AKAP12: variants seen among roughly 807,000 people sequenced by gnomAD.
AKAP12 encodes A-kinase anchoring protein 12, also known as A-kinase anchor protein 12.
In AKAP12, 32 loss-of-function variants were observed where a neutral mutation model predicts 79.9. The ratio of observed to expected loss-of-function variants is 0.40; its 90% CI spans 0.30 to 0.54. The LOEUF (loss-of-function observed/expected upper bound fraction) is 0.54. AKAP12 is among the 20% of genes least tolerant of loss of function. The pLI is 0.48. For synonymous variants in AKAP12, 808 were observed against 857.0 expected (o/e 0.94, Z 1.00); for missense variants, 2,074 against 2,177.0 (o/e 0.95, Z 0.94).
intron 2 of AKAP12, among the ~76,000 whole-genome samples, chr6:151,275,527 C>A (rs1776275503): frequency 6.6e-6 from 1 of 152,162 alleles, no homozygotes; most frequent in South Asian, 2.1e-4. Context: ...CTCAGAAATT[C>A]CACGATAGCA....
At chr6:151,293,450 A>G (rs1321900874) in intron 2 of AKAP12, among the ~76,000 whole-genome samples, 2 of 152,332 alleles carry the variant, frequency 1.3e-5, no homozygotes, top group South Asian at 2.1e-4. Context: ...TTATTTTGCA[A>G]TTGGAATTTG....
intron 3 of AKAP12, chr6:151,320,071 C>T (rs1777338665): frequency 6.6e-6 from 1 of 152,136 alleles, no homozygotes. Context: ...TTCCGTGACA[C>T]TCATATTTGG....
In AKAP12 at chr6:151,348,003, C is replaced by T. The variant is rs6906069; in HGVS notation, c.320-708C>T. ...TGGCTAACACGGTGAAACCCCGTCTCTATACTAAAAATACAAAAAAAAAAA... is the reference window on the plus strand; with the variant it reads ...TGGCTAACACGGTGAAACCCCGTCTTTATACTAAAAATACAAAAAAAAAAA... On this transcript the variant is annotated intron_variant, in intron 3 of 4. Transcript: ENST00000402676. 7.3e-3 allele frequency among the ~76,000 whole-genome samples: 1,041 copies of T among 143,326 alleles called. 14 individuals are homozygous for T. The highest frequency in any genetic ancestry group is 0.024 in the Middle Eastern group (7 of 286). 94.0% of individuals were successfully genotyped at this position (143,326 alleles called of 152,430 possible). A position where few individuals can be genotyped will look rare whatever the true frequency, so the allele number is the denominator to read the frequency against.
intron 3 of AKAP12, among the ~76,000 whole-genome samples, chr6:151,311,169 C>CA (rs1210523182): frequency 6.6e-6 from 1 of 152,176 alleles, no homozygotes; most frequent in Non-Finnish European, 1.5e-5. Context: ...AGGTTCTTGC[C>CA]ATGTTGCCCA....
At chr6:151,313,892 A>G (rs1012011575) in intron 3 of AKAP12, among the ~76,000 whole-genome samples, 7 of 152,240 alleles carry the variant, frequency 4.6e-5, no homozygotes, top group African/African-American at 9.6e-5. Context: ...GCTAATATCA[A>G]TATGACTAGT....
intron 2 of AKAP12, among the ~76,000 whole-genome samples, chr6:151,272,660 C>G (rs1032670399): frequency 1.3e-5 from 2 of 152,030 alleles, no homozygotes; most frequent in Admixed American, 6.6e-5. Context: ...CTCAGCCTCC[C>G]CAGTAGCTGG....
intron 2 of AKAP12, among the ~76,000 whole-genome samples, chr6:151,251,359 G>T (rs9285530): frequency 0.33 from 50,503 of 152,042 alleles, 9,799 homozygotes; most frequent in Non-Finnish European, 0.43. Flanking sequence ...GATAACATCC[G>T]CACAGTAAAG....
At chr6:151,304,991 A>G (rs140464631) in intron 2 of AKAP12, among the ~76,000 whole-genome samples, 65 of 152,316 alleles carry the variant, frequency 4.3e-4, no homozygotes, top group African/African-American at 1.6e-3. Context: ...TGGACATGTT[A>G]TATGTGTCTT....
intron 2 of AKAP12, 78 bp downstream of exon 2, chr6:151,240,802 A>G (rs1451024866): frequency 2.1e-6 from 2 of 970,910 alleles, no homozygotes; most frequent in Non-Finnish European, 2.6e-6. Flanking sequence ...GGTCCCTCCG[A>G]TTTCCGCCGA....
chr6:151,330,126 C>T (rs891925894), intron 3 of AKAP12, among the ~76,000 whole-genome samples: 6 of 152,144 alleles, frequency 3.9e-5, no homozygotes, highest in Non-Finnish European at 7.3e-5. Context: ...AGTTTGAGAC[C>T]AGCATGGTCA....
At chr6:151,307,142 A>G (rs1776993238) in intron 3 of AKAP12, among the ~76,000 whole-genome samples, 1 of 152,232 alleles carries the variant, frequency 6.6e-6, no homozygotes, top group Non-Finnish European at 1.5e-5. Flanking sequence ...TAAACAAGGA[A>G]TGTCAGCAAA....
chr6:151,319,090 C>G (rs1395156650), intron 3 of AKAP12, among the ~76,000 whole-genome samples: 1 of 152,118 alleles, frequency 6.6e-6, no homozygotes, highest in Non-Finnish European at 1.5e-5. Flanking sequence ...TATTCTACAT[C>G]ACTTTTATTA....
In AKAP12 at chr6:151,348,701, T is replaced by G; in HGVS notation, c.320-10T>G. 2.7e-6 allele frequency: 1 copy of G among 367,746 alleles called. No homozygotes were observed. Among genetic ancestry groups the G allele is most frequent in the Non-Finnish European group, 4.4e-6 (1 of 225,350 alleles). 22.8% of individuals were successfully genotyped at this position (367,746 alleles called of 1,614,324 possible). A position where few individuals can be genotyped will look rare whatever the true frequency, so the allele number is the denominator to read the frequency against. ...CTTCTCCCCACCCCCCCGCCCCTTTTTGTTAATAGTTGGACAGAGAGACTC... is the reference window on the plus strand; with the variant it reads ...CTTCTCCCCACCCCCCCGCCCCTTTGTGTTAATAGTTGGACAGAGAGACTC... On this transcript the variant is annotated splice_polypyrimidine_tract_variant and intron_variant, in intron 3 of 4. Coordinates refer to ENST00000402676, the MANE Select transcript of AKAP12 (RefSeq NM_005100.4).
Position 151,350,294 on chromosome 6 carries a change from C to G in AKAP12, c.1903C>G (p.Leu635Val). 6.2e-7 allele frequency: 1 copy of G among 1,613,884 alleles called. No individual in the cohort carries two copies. The highest frequency in any genetic ancestry group is 2.2e-5 in the East Asian group (1 of 44,850). ...RPSESDKEDELDKVKSATLSS... is the reference protein window; with the variant it reads ...RPSESDKEDEVDKVKSATLSS... Reference sequence around the variant, plus strand: ...TTCGGAAAGTGATAAAGAAGATGAGCTGGACAAGGTCAAGAGCGCTACCTT... The same window carrying G: ...TTCGGAAAGTGATAAAGAAGATGAGGTGGACAAGGTCAAGAGCGCTACCTT... Residue 635 changes from leucine (L) to valine (V), a missense_variant, in exon 4 of 5, where the codon CTG (leucine) becomes GTG (valine). This residue lies in a region of AKAP12 where 1,428 missense variants were observed against 1,451.0 expected (regional missense o/e 0.98). Transcript: ENST00000402676. This position sits in a 1 kb window ranked among gnomAD's most constrained non-coding sequence, Gnocchi z 4.8.
chr6:151,316,918 G>A (rs1015099126), intron 3 of AKAP12, among the ~76,000 whole-genome samples: 4 of 152,152 alleles, frequency 2.6e-5, no homozygotes, highest in Non-Finnish European at 4.4e-5. Context: ...GATTACAGGC[G>A]TGAGCCACCA....
chr6:151,262,167 T>TCTCAGGTGATCCACCCGC (rs1021668748), intron 2 of AKAP12, among the ~76,000 whole-genome samples: 2 of 152,064 alleles, frequency 1.3e-5, no homozygotes, highest in Admixed American at 6.6e-5. Context: ...GTCACACTGG[T>TCTCAGGTGATCCACCCGC]CTCAGGTGAT....
chr6:151,277,273 G>A (rs1776306419), intron 2 of AKAP12, among the ~76,000 whole-genome samples: 2 of 152,162 alleles, frequency 1.3e-5, no homozygotes, highest in South Asian at 4.1e-4. Context: ...CGTAGACTGG[G>A]ATGCTTTAGT....
At chr6:151,269,398 A>G (rs1021333443) in intron 2 of AKAP12, among the ~76,000 whole-genome samples, 3 of 152,114 alleles carry the variant, frequency 2.0e-5, no homozygotes, top group Admixed American at 2.0e-4. Flanking sequence ...AATTTAGTGG[A>G]AAAGGAACTT....
chr6:151,322,692 C>T (rs576478168), intron 3 of AKAP12, among the ~76,000 whole-genome samples: 2 of 149,084 alleles, frequency 1.3e-5, no homozygotes, highest in South Asian at 2.1e-4. Context: ...TGCCCACTCC[C>T]GCCACTGGGC....
Sources: gnomAD v4.1 joint callset for allele counts (sites outside exome capture counted in the v4.1 genomes callset) on GRCh38, gnomAD v4.1.1 for gene constraint, gnomAD v4.1.1 regional missense constraint, Gnocchi (gnomAD v3.1) non-coding constraint, MANE v1.5 for transcripts, NCBI Gene and HGNC (gene_info 2026-07-23, HGNC 2026-07-21) for gene names.